The following TASP1 variants were observed in gnomAD, a reference collection of about 807,000 sequenced individuals.
The protein encoded by TASP1 is taspase 1.
In TASP1, 16 loss-of-function variants were observed where a neutral mutation model predicts 56.6. The ratio of observed to expected loss-of-function variants is 0.28; its 90% CI spans 0.19 to 0.43. The LOEUF (loss-of-function observed/expected upper bound fraction) is 0.43. TASP1 is among the 20% of genes least tolerant of loss of function. The pLI is 1.00. For missense variants in TASP1, 393 were observed against 511.6 expected (o/e 0.77, Z 2.24); for synonymous variants, 179 against 184.2 (o/e 0.97, Z 0.23).
the TASP1 span, among the ~76,000 whole-genome samples, chr20:13,129,606 C>G: frequency 6.6e-6 from 1 of 152,222 alleles, no homozygotes; most frequent in Non-Finnish European, 1.5e-5. Flanking sequence ...AAAATTTTCA[C>G]TCATTTCCGG....
At chr20:13,174,604 C>T in the TASP1 span, among the ~76,000 whole-genome samples, 4 of 151,418 alleles carry the variant, frequency 2.6e-5, no homozygotes, top group South Asian at 2.1e-4. Flanking sequence ...AAGACTGAGG[C>T]GGTAGAATCA....
the TASP1 span, among the ~76,000 whole-genome samples, chr20:13,121,616 G>A: frequency 1.3e-4 from 20 of 152,212 alleles, no homozygotes; most frequent in African/African-American, 3.1e-4. Flanking sequence ...ACCCAGACTC[G>A]CCTTGCAAAA....
At chr20:13,411,326 T>C (rs980571693) in intron 13 of TASP1, among the ~76,000 whole-genome samples, 6 of 152,168 alleles carry the variant, frequency 3.9e-5, no homozygotes, top group African/African-American at 1.4e-4. Flanking sequence ...ATATAAATGT[T>C]AGGATTGTCT....
At position 13,630,691 on chromosome 20, in the gene TASP1, A is replaced by G. The variant is rs1010282680; in HGVS notation, c.-74-539T>C. Among the ~76,000 whole-genome samples, 199 of 146,564 alleles carry G rather than the reference A, an allele frequency of 1.4e-3. 1 individual carries two copies. The East Asian group carries it at 0.038, about 28-fold the overall frequency. ...GCAACAAAGTAAGCTCTGTCTCAAA[A>G]AAAAAAAAAAAAAAAAAAAGGAGTC... On this transcript the variant is annotated intron_variant, in intron 1 of 13. Transcript: ENST00000337743.
At chr20:13,221,552 T>TGCGGCGGCGGCG in the TASP1 span, among the ~76,000 whole-genome samples, 7 of 141,586 alleles carry the variant, frequency 4.9e-5, no homozygotes, top group African/African-American at 1.5e-4. Context: ...TCCGCCGTGG[T>TGCGGCGGCGGCG]GCGGCGGCGG....
chr20:13,490,151 A>G (rs2146559723), intron 10 of TASP1, among the ~76,000 whole-genome samples: 1 of 152,310 alleles, frequency 6.6e-6, no homozygotes, highest in African/African-American at 2.4e-5. Flanking sequence ...AGATCATTTG[A>G]TCTGAGAATA....
At chr20:13,469,163 T>C (rs1473000392) in intron 11 of TASP1, among the ~76,000 whole-genome samples, 2 of 152,218 alleles carry the variant, frequency 1.3e-5, no homozygotes, top group African/African-American at 4.8e-5. Flanking sequence ...TGCTTATTAT[T>C]TGCTTTCCAA....
the TASP1 span, among the ~76,000 whole-genome samples, chr20:13,181,245 AT>A: frequency 6.6e-6 from 1 of 152,222 alleles, no homozygotes; most frequent in Non-Finnish European, 1.5e-5. Context: ...TCTGCACAGC[AT>A]CTCAGAATGT....
intron 10 of TASP1, among the ~76,000 whole-genome samples, chr20:13,494,198 G>C (rs6042171): frequency 6.6e-6 from 1 of 152,128 alleles, no homozygotes; most frequent in African/African-American, 2.4e-5. Context: ...CACATATGAG[G>C]AGAACCAGCT....
At chr20:13,118,215 G>C in the TASP1 span, among the ~76,000 whole-genome samples, 2 of 152,136 alleles carry the variant, frequency 1.3e-5, no homozygotes, top group African/African-American at 4.8e-5. Flanking sequence ...CTGACCCTAT[G>C]CTACAAGTTG....
At chr20:13,554,503 T>G (rs945169542) in intron 8 of TASP1, among the ~76,000 whole-genome samples, 1 of 121,062 alleles carries the variant, frequency 8.3e-6, no homozygotes, top group Non-Finnish European at 1.7e-5. Flanking sequence ...GTTTGTATAA[T>G]CGATTACTTT....
downstream of TASP1, among the ~76,000 whole-genome samples, chr20:13,387,486 G>A (rs1193999375): frequency 2.6e-5 from 4 of 152,070 alleles, no homozygotes; most frequent in East Asian, 5.8e-4. Flanking sequence ...AATGTGCCTG[G>A]CTGATTTCAT....
chr20:13,364,123 ATTAT>A, the TASP1 span, among the ~76,000 whole-genome samples: 25 of 151,774 alleles, frequency 1.6e-4, no homozygotes, highest in Non-Finnish European at 3.1e-4. Flanking sequence ...ATCTGTTGTG[ATTAT>A]TTGTCAGTGA....
intron 11 of TASP1, among the ~76,000 whole-genome samples, chr20:13,475,099 T>G (rs1428565562): frequency 9.2e-5 from 14 of 152,192 alleles, no homozygotes; most frequent in Admixed American, 9.2e-4. Context: ...CCAACATTGT[T>G]GAGACTTCCC....
At chr20:13,462,180 A>T (rs2044078486) in intron 11 of TASP1, among the ~76,000 whole-genome samples, 1 of 152,182 alleles carries the variant, frequency 6.6e-6, no homozygotes, top group Admixed American at 6.5e-5. Flanking sequence ...TAAGTCTTTG[A>T]TTAAGCCACA....
At chr20:13,553,440 C>G (rs978430477) in intron 8 of TASP1, among the ~76,000 whole-genome samples, 2 of 151,924 alleles carry the variant, frequency 1.3e-5, no homozygotes, top group African/African-American at 4.8e-5. Context: ...ACAGGTCTAC[C>G]CAGAGAGTGA....
chr20:13,345,368 C>G, the TASP1 span, among the ~76,000 whole-genome samples: 1 of 152,220 alleles, frequency 6.6e-6, no homozygotes, highest in South Asian at 2.1e-4. Flanking sequence ...CAATGGCTGG[C>G]TGGCAGGACC....
At chr20:13,157,914 T>G in the TASP1 span, among the ~76,000 whole-genome samples, 1 of 152,238 alleles carries the variant, frequency 6.6e-6, no homozygotes, top group Non-Finnish European at 1.5e-5. Context: ...TATTAAAGAA[T>G]GGTGATCTCT....
At chr20:13,211,957 G>A in the TASP1 span, among the ~76,000 whole-genome samples, 1 of 152,018 alleles carries the variant, frequency 6.6e-6, no homozygotes, top group Non-Finnish European at 1.5e-5. Context: ...GTGCTTAATA[G>A]GAAAGAAATT....
Sources: gnomAD v4.1 joint callset for allele counts (sites outside exome capture counted in the v4.1 genomes callset) on GRCh38, gnomAD v4.1.1 for gene constraint, MANE v1.5 for transcripts, NCBI Gene and HGNC (gene_info 2026-07-23, HGNC 2026-07-21) for gene names.